Variants in DNER observed in about 807,000 individuals in gnomAD.
DNER encodes delta and Notch-like epidermal growth factor-related receptor.
A neutral mutation model predicts 78.2 loss-of-function variants in DNER; 33 were observed. That is an observed-to-expected ratio of 0.42 (90% CI 0.32 to 0.56). The LOEUF is 0.56. Ranked by LOEUF, DNER falls within the 20% of genes least tolerant of loss-of-function variation. DNER has a pLI of 0.11. For synonymous variants in DNER, 417 were observed against 384.8 expected (o/e 1.08, Z -0.98); for missense variants, 918 against 975.3 (o/e 0.94, Z 0.78).
At chr2:229,605,896 A>G (rs766797139) in intron 1 of DNER, among the ~76,000 whole-genome samples, 4 of 152,182 alleles carry the variant, frequency 2.6e-5, no homozygotes, top group Non-Finnish European at 4.4e-5. Context: ...TGTCTCAAAA[A>G]CAAAGATCAT....
At chr2:229,495,392 A>G (rs1209136755) in intron 6 of DNER, among the ~76,000 whole-genome samples, 1 of 152,216 alleles carries the variant, frequency 6.6e-6, no homozygotes, top group Admixed American at 6.5e-5. Context: ...CTGGAGACTA[A>G]GGAAAGCCAA....
chr2:229,471,118 A>G (rs1264933413), intron 7 of DNER, among the ~76,000 whole-genome samples: 17 of 152,158 alleles, frequency 1.1e-4, no homozygotes. Context: ...GCTTTCACCA[A>G]GATCATACAT....
chr2:229,395,397 G>A lies in DNER; in HGVS notation c.1724-7001C>T, dbSNP rs753825472. 6.4e-4 allele frequency among the ~76,000 whole-genome samples: 98 copies of A among 152,198 alleles called. 1 individual carries two copies. The highest frequency in any genetic ancestry group is 2.8e-4 in the Non-Finnish European group (19 of 68,032). On this transcript the variant is annotated intron_variant, in intron 10 of 12. Transcript: ENST00000341772. ...CTGATCACAGAGTGGGCTGATCAGC[G>A]TTGAGTTGCCCATCAGCCTCAGGGG...
intron 8 of DNER, among the ~76,000 whole-genome samples, chr2:229,436,847 T>G (rs953087087): frequency 6.6e-6 from 1 of 152,114 alleles, no homozygotes; most frequent in Non-Finnish European, 1.5e-5. Flanking sequence ...AAAAACACAC[T>G]TAAGTACATA....
At chr2:229,605,610 G>C (rs1477639610) in intron 1 of DNER, among the ~76,000 whole-genome samples, 1 of 152,064 alleles carries the variant, frequency 6.6e-6, no homozygotes. Context: ...TTAGAATGTT[G>C]ATGAAATCAA....
intron 12 of DNER, among the ~76,000 whole-genome samples, chr2:229,362,851 C>T (rs761455597): frequency 3.0e-4 from 46 of 152,218 alleles, no homozygotes; most frequent in Non-Finnish European, 5.1e-4. Context: ...GATACTGTAA[C>T]CAGTTATAAG....
intron 10 of DNER, among the ~76,000 whole-genome samples, chr2:229,404,462 C>T (rs756232718): frequency 1.3e-5 from 2 of 152,130 alleles, no homozygotes; most frequent in Non-Finnish European, 1.5e-5. Flanking sequence ...AAGGAAACTG[C>T]CCCCACGATC....
chr2:229,444,359 T>A (rs1694297241), intron 8 of DNER, among the ~76,000 whole-genome samples: 1 of 152,154 alleles, frequency 6.6e-6, no homozygotes, highest in South Asian at 2.1e-4. Context: ...AGGGGAAAAC[T>A]GAGTCCCAGA....
chr2:229,697,888 A>C (rs999420872), intron 1 of DNER, among the ~76,000 whole-genome samples: 5 of 152,156 alleles, frequency 3.3e-5, no homozygotes, highest in Non-Finnish European at 4.4e-5. Context: ...CAAGGCATGC[A>C]TGTAGAAGTA....
intron 5 of DNER, among the ~76,000 whole-genome samples, chr2:229,517,950 G>T (rs745327829): frequency 1.3e-5 from 2 of 152,140 alleles, no homozygotes; most frequent in African/African-American, 4.8e-5. Context: ...TAGTTCTTGC[G>T]CCAGAAAAGA....
chr2:229,522,024 A>T (rs936205898), intron 5 of DNER, among the ~76,000 whole-genome samples: 3 of 147,532 alleles, frequency 2.0e-5, no homozygotes, highest in African/African-American at 5.0e-5. Flanking sequence ...AGCTTATTAT[A>T]AAAAAAAAAG....
intron 1 of DNER, among the ~76,000 whole-genome samples, chr2:229,594,174 C>T (rs1204203731): frequency 2.0e-5 from 3 of 152,246 alleles, no homozygotes; most frequent in African/African-American, 7.2e-5. Flanking sequence ...ACAGGCACAA[C>T]ACCTACCCTC....
At chr2:229,602,302 C>A (rs1355035968) in intron 1 of DNER, among the ~76,000 whole-genome samples, 1 of 152,108 alleles carries the variant, frequency 6.6e-6, no homozygotes, top group Non-Finnish European at 1.5e-5. Flanking sequence ...AGAGTGAAGA[C>A]TTTTAGCAAA....
At position 229,577,680 on chromosome 2, in the gene DNER, G is replaced by A. The variant is rs571813385; in HGVS notation, c.847+8178C>T. Among the ~76,000 whole-genome samples the A allele has an allele frequency of 9.2e-5, 14 of 152,064 alleles. No homozygotes were observed. In the South Asian group the frequency reaches 2.7e-3, roughly 29 times the overall value. ...TGGATAAAGCAGATATGCCCTGCCTGAGTTTTCTGATCCAAAGGAGAATAT... is the reference window on the plus strand; with the variant it reads ...TGGATAAAGCAGATATGCCCTGCCTAAGTTTTCTGATCCAAAGGAGAATAT... On this transcript the variant is annotated intron_variant, in intron 4 of 12. Transcript: ENST00000341772.
At chr2:229,388,164 G>A in intron 11 of DNER, 101 bp downstream of exon 11, 1 of 1,473,950 alleles carries the variant, frequency 6.8e-7, no homozygotes, top group Non-Finnish European at 9.1e-7. Flanking sequence ...CAGTGACTCG[G>A]GGGCTTTCTG....
intron 1 of DNER, among the ~76,000 whole-genome samples, chr2:229,713,217 C>T (rs1699934682): frequency 6.6e-6 from 1 of 152,208 alleles, no homozygotes; most frequent in Non-Finnish European, 1.5e-5. Context: ...GGATTTTCTA[C>T]CCGTACACAC....
chr2:229,490,368 T>G (rs1695373492), intron 6 of DNER, among the ~76,000 whole-genome samples: 5 of 152,152 alleles, frequency 3.3e-5, no homozygotes, highest in Admixed American at 3.3e-4. Flanking sequence ...AAACAAAATG[T>G]GGTACATCCA....
At chr2:229,661,745 G>T (rs576549337) in intron 1 of DNER, among the ~76,000 whole-genome samples, 1 of 152,160 alleles carries the variant, frequency 6.6e-6, no homozygotes, top group Non-Finnish European at 1.5e-5. Context: ...ATGAACTCGC[G>T]GGAGTGGAAA....
chr2:229,546,676 C>A (rs1026141615), intron 5 of DNER, among the ~76,000 whole-genome samples: 15 of 152,134 alleles, frequency 9.9e-5, no homozygotes, highest in African/African-American at 3.1e-4. Context: ...CCAGAGGTTG[C>A]GGTAAGCCGA....
Sources: gnomAD v4.1 joint callset for allele counts (sites outside exome capture counted in the v4.1 genomes callset) on GRCh38, gnomAD v4.1.1 for gene constraint, MANE v1.5 for transcripts, NCBI Gene and HGNC (gene_info 2026-07-23, HGNC 2026-07-21) for gene names.